The following MIA2 variants were observed in gnomAD, a reference collection of about 807,000 sequenced individuals.
The protein encoded by MIA2 is MIA SH3 domain ER export factor 2.
A neutral mutation model predicts 167.8 loss-of-function variants in MIA2; 127 were observed. The observed-to-expected ratio is 0.76, with a 90% CI of 0.66 to 0.88. The LOEUF (loss-of-function observed/expected upper bound fraction) is 0.88, where lower values mean the gene tolerates loss of function less well. Ranked by LOEUF, MIA2 falls within the 40% of genes least tolerant of loss-of-function variation. The pLI is 0.00. For missense variants in MIA2, 1,690 were observed against 1,624.7 expected (o/e 1.04, Z -0.69); for synonymous variants, 552 against 541.9 (o/e 1.02, Z -0.26).
At chr14:39,279,703 C>T (rs1211330353) in intron 9 of MIA2, among the ~76,000 whole-genome samples, 166 bp downstream of exon 9, 3 of 152,140 alleles carry the variant, frequency 2.0e-5, no homozygotes, top group Non-Finnish European at 4.4e-5. Flanking sequence ...CTAATTTTAA[C>T]CATTGTAGTA....
At chr14:39,353,506 G>A (rs1447094032), downstream of MIA2, among the ~76,000 whole-genome samples, 2 of 152,052 alleles carry the variant, frequency 1.3e-5, no homozygotes, top group East Asian at 1.9e-4. Flanking sequence ...CATCCATGTT[G>A]CTGCAAATGA....
chr14:39,266,194 G>A, intron 6 of MIA2: 3 of 985,328 alleles, frequency 3.0e-6, no homozygotes, highest in Non-Finnish European at 3.6e-6. Flanking sequence ...TTTTTGAGTT[G>A]CTTCACCAAA....
In MIA2 at chr14:39,303,221, T is replaced by C. The variant is rs559764610; in HGVS notation, c.2741-257T>C. ...ATTGTGGTCTATATTTAGATGAATA[T>C]AGAATCCTTGTTATAACTCTGTTCT... On this transcript the variant is annotated intron_variant, in intron 15 of 28. Coordinates refer to ENST00000640607, the MANE Select transcript of MIA2 (RefSeq NM_001329214.4). Among the ~76,000 whole-genome samples, 3 of 152,268 alleles carry C rather than the reference T, an allele frequency of 2.0e-5. No homozygotes were observed. The South Asian group carries it at 6.2e-4, about 32-fold the overall frequency.
intron 24 of MIA2, among the ~76,000 whole-genome samples, chr14:39,321,847 GCCT>G (rs2066504774): frequency 6.7e-6 from 1 of 149,180 alleles, no homozygotes; most frequent in Admixed American, 6.7e-5. Flanking sequence ...TGCAACCTCT[GCCT>G]CCCAGGTAGC....
At chr14:39,363,486 G>T (rs565915208) in intron 23 of MIA2, among the ~76,000 whole-genome samples, 2 of 152,128 alleles carry the variant, frequency 1.3e-5, no homozygotes, top group South Asian at 4.1e-4. Context: ...CTGAGATTGC[G>T]CCTTTGTTCT....
intron 9 of MIA2, among the ~76,000 whole-genome samples, chr14:39,280,911 G>GTT (rs751903170): frequency 1.2e-3 from 71 of 60,208 alleles, no homozygotes; most frequent in Admixed American, 1.4e-3. Context: ...TATTAGTTTA[G>GTT]TTTTTTTTTT....
intron 23 of MIA2, among the ~76,000 whole-genome samples, chr14:39,371,707 C>T (rs899178366): frequency 3.3e-5 from 5 of 152,192 alleles, no homozygotes; most frequent in East Asian, 1.9e-4. Context: ...GACGGAAATA[C>T]GACTCAAACT....
chr14:39,381,025 A>C (rs796618874), intron 23 of MIA2, among the ~76,000 whole-genome samples: 21 of 145,776 alleles, frequency 1.4e-4, no homozygotes, highest in African/African-American at 3.5e-4. Context: ...AAAAAAACAA[A>C]AAAAAAAAAA....
At chr14:39,328,701 A>T (rs2068105449) in intron 25 of MIA2, among the ~76,000 whole-genome samples, 1 of 152,200 alleles carries the variant, frequency 6.6e-6, no homozygotes, top group East Asian at 1.9e-4. Context: ...CATTTTTCCG[A>T]ACGCAATTTA....
At chr14:39,332,021 A>G (rs1040287845) in intron 25 of MIA2, among the ~76,000 whole-genome samples, 1 of 152,198 alleles carries the variant, frequency 6.6e-6, no homozygotes, top group Non-Finnish European at 1.5e-5. Flanking sequence ...CCTGGCTAAT[A>G]TCCTGAAGAG....
intron 27 of MIA2, 31 bp downstream of exon 27, chr14:39,347,802 T>A (rs1210858247): frequency 6.8e-7 from 1 of 1,480,714 alleles, no homozygotes; most frequent in South Asian, 1.2e-5. Flanking sequence ...ATTGTATGCA[T>A]GTATTCAGAA....
At chr14:39,324,807 A>G (rs1317236510) in intron 24 of MIA2, among the ~76,000 whole-genome samples, 3 of 152,032 alleles carry the variant, frequency 2.0e-5, no homozygotes, top group Admixed American at 1.3e-4. Context: ...GGGTTTCACC[A>G]TGTTGGCCAG....
chr14:39,320,799 A>C, intron 23 of MIA2, 129 bp from the exon 24 acceptor site: 2 of 942,990 alleles, frequency 2.1e-6, no homozygotes, highest in Non-Finnish European at 3.2e-6. Flanking sequence ...CAAAGGATAC[A>C]TTCAGGACAT....
chr14:39,316,341 G>A (rs2065431729), intron 21 of MIA2, among the ~76,000 whole-genome samples: 2 of 152,206 alleles, frequency 1.3e-5, no homozygotes, highest in African/African-American at 4.8e-5. Context: ...GGAGTCTTCA[G>A]CAGTAGGCAG....
chr14:39,359,976 G>T (rs1001361997), intron 23 of MIA2, among the ~76,000 whole-genome samples: 1 of 147,878 alleles, frequency 6.8e-6, no homozygotes, highest in African/African-American at 2.5e-5. Flanking sequence ...CTGTTTCTCC[G>T]GATCCTCTGC....
At chr14:39,356,231 G>T (rs997337365), downstream of MIA2, among the ~76,000 whole-genome samples, 7 of 152,068 alleles carry the variant, frequency 4.6e-5, no homozygotes, top group African/African-American at 1.7e-4. Context: ...CAGTTTCAGA[G>T]CCTGTTATTG....
intron 22 of MIA2, 148 bp from the exon 23 acceptor site, chr14:39,319,061 G>A (rs2065957636): frequency 4.6e-6 from 2 of 433,854 alleles, no homozygotes; most frequent in East Asian, 6.6e-5. Context: ...GGAGATAAAG[G>A]TGTTTTGGTC....
At chr14:39,330,835 T>C (rs988979787) in intron 25 of MIA2, among the ~76,000 whole-genome samples, 8 of 151,798 alleles carry the variant, frequency 5.3e-5, no homozygotes, top group South Asian at 4.1e-4. Context: ...GGGACTGTTA[T>C]GATTTCCATC....
chr14:39,331,674 T>A (rs572438414), intron 25 of MIA2, among the ~76,000 whole-genome samples: 1 of 152,316 alleles, frequency 6.6e-6, no homozygotes, highest in Admixed American at 6.5e-5. Flanking sequence ...TCCCTAAGCA[T>A]TTGCTTTTCT....
Sources: allele counts gnomAD v4.1 joint callset (sites outside exome capture counted in the v4.1 genomes callset), GRCh38; gene constraint gnomAD v4.1.1; transcripts MANE v1.5; gene names NCBI Gene and HGNC (gene_info 2026-07-23, HGNC 2026-07-21).